Variants in ANKRD44 observed in about 807,000 individuals in gnomAD.
ANKRD44 encodes serine/threonine-protein phosphatase 6 regulatory ankyrin repeat subunit B.
A neutral mutation model predicts 116.0 loss-of-function variants in ANKRD44; 35 were observed. The observed-to-expected ratio is 0.30, with a 90% CI of 0.23 to 0.40. The LOEUF (loss-of-function observed/expected upper bound fraction) is 0.40, where lower values mean the gene tolerates loss of function less well. Ranked by LOEUF, ANKRD44 falls within the 10% of genes least tolerant of loss-of-function variation. ANKRD44 has a pLI of 1.00. For missense variants in ANKRD44, 1,014 were observed against 1,242.6 expected, an observed-to-expected ratio of 0.82 and a Z score of 2.77; for synonymous variants, 435 against 461.8, an observed-to-expected ratio of 0.94 and a Z score of 0.74.
chr2:197,154,369 C>CG (rs2079750950), intron 2 of ANKRD44, among the ~76,000 whole-genome samples: 1 of 151,396 alleles, frequency 6.6e-6, no homozygotes. Context: ...TTAGTAGAGA[C>CG]GGGGTTTCAC....
intron 16 of ANKRD44, among the ~76,000 whole-genome samples, chr2:197,058,919 C>T (rs1044141703): frequency 1.3e-5 from 2 of 152,210 alleles, no homozygotes; most frequent in Non-Finnish European, 2.9e-5. Context: ...TAAGCATATA[C>T]AGTTCTTGCA....
intron 1 of ANKRD44, among the ~76,000 whole-genome samples, chr2:197,267,877 T>G (rs1318141): frequency 0.76 from 115,033 of 152,042 alleles, 43,688 homozygotes; most frequent in East Asian, 0.86. Flanking sequence ...AGAATCAGGG[T>G]CAAGGTAGAA....
intron 1 of ANKRD44, among the ~76,000 whole-genome samples, chr2:197,289,464 A>T (rs1247028327): frequency 1.3e-5 from 2 of 152,254 alleles, no homozygotes; most frequent in Non-Finnish European, 2.9e-5. Flanking sequence ...AAATGTGGGT[A>T]CAACCCAAAT....
chr2:196,978,760 TTATGTCAATTA>T (rs1317049690), intron 21 of ANKRD44, among the ~76,000 whole-genome samples: 45 of 152,188 alleles, frequency 3.0e-4, no homozygotes, highest in Admixed American at 2.7e-3. Context: ...GAATTTTATG[TTATGTCAATTA>T]TATCTCAATG....
chr2:197,116,328 A>C (rs2078706818), intron 8 of ANKRD44, among the ~76,000 whole-genome samples: 2 of 152,198 alleles, frequency 1.3e-5, no homozygotes, highest in African/African-American at 4.8e-5. Flanking sequence ...GCCTTTATTA[A>C]ATTCCAATAA....
chr2:196,990,934 G>A (rs749798831), intron 27 of ANKRD44: 9 of 1,232,234 alleles, frequency 7.3e-6, no homozygotes, highest in Non-Finnish European at 7.1e-6. Flanking sequence ...TGACCTGGGC[G>A]TAAATGCAGA....
chr2:197,013,423 T>G lies in ANKRD44; in HGVS notation c.1924+88A>C, dbSNP rs1381720824. The stretch of plus-strand genomic sequence containing the variant: ...GAAAGAAAATTGATATTTAAAAAAC[T>G]GGGATGAAAGAAGATGCTGCTTTCC... On this transcript the variant is annotated intron_variant, in intron 18 of 27. Coordinates refer to ENST00000282272, the MANE Select transcript of ANKRD44 (RefSeq NM_001195144.2). 4 of 1,397,084 alleles carry G rather than the reference T, an allele frequency of 2.9e-6. No individual in the cohort carries two copies. In the Admixed American group the frequency reaches 6.2e-5, roughly 21 times the overall value. The allele number at this position is 1,397,084 out of a possible 1,614,324, so 86.5% of individuals were successfully genotyped here. A position where few individuals can be genotyped will look rare whatever the true frequency, so the allele number is the denominator to read the frequency against.
intron 1 of ANKRD44, among the ~76,000 whole-genome samples, chr2:197,287,652 C>T (rs1305297394): frequency 6.6e-6 from 1 of 152,168 alleles, no homozygotes; most frequent in Admixed American, 6.5e-5. Context: ...TGTAAAGTAA[C>T]TGCTGAGATA....
At chr2:197,066,945 C>T (rs566615084) in intron 16 of ANKRD44, among the ~76,000 whole-genome samples, 77 of 152,228 alleles carry the variant, frequency 5.1e-4, no homozygotes, top group African/African-American at 1.8e-3. Flanking sequence ...TTAAAGTTCA[C>T]ATGGAACCAA....
chr2:197,175,967 G>A (rs924971969), intron 2 of ANKRD44, among the ~76,000 whole-genome samples: 6 of 152,088 alleles, frequency 3.9e-5, no homozygotes, highest in Non-Finnish European at 7.4e-5. Context: ...ATGCAGTTCC[G>A]GACAATATAT....
intron 21 of ANKRD44, among the ~76,000 whole-genome samples, chr2:196,980,447 C>G (rs568104454): frequency 6.6e-6 from 1 of 152,180 alleles, no homozygotes; most frequent in African/African-American, 2.4e-5. Context: ...ATTAGAAACC[C>G]GTTAGCTTTC....
chr2:196,998,973 C>G lies in ANKRD44; in HGVS notation c.2599G>C (p.Ala867Pro), dbSNP rs145698398. Residue 867 changes from alanine (A) to proline (P), a missense_variant, in exon 24 of 28, where the codon GCA becomes CCA. Physicochemically the swap from Ala to Pro is conservative, Grantham distance 27. Coordinates refer to ENST00000282272, the MANE Select transcript of ANKRD44 (RefSeq NM_001195144.2). The stretch of plus-strand genomic sequence containing the variant: ...GCTGTTTTCCCTGAATTATCTACTG[C>G]GTTCACTGGAGCACTGTGTCTCAGA... ...LLLRHSAPVN[A>P]VDNSGKTALM... 14 of 1,614,226 alleles carry G rather than the reference C, an allele frequency of 8.7e-6. No homozygotes were observed. Among genetic ancestry groups the G allele is most frequent in the Non-Finnish European group, 1.2e-5 (14 of 1,180,028 alleles).
At chr2:197,041,092 T>TAACTCTTTTCATAAAACTCTTTTCATAA (rs2076902253) in intron 16 of ANKRD44, among the ~76,000 whole-genome samples, 1 of 152,208 alleles carries the variant, frequency 6.6e-6, no homozygotes, top group Non-Finnish European at 1.5e-5. Context: ...GTTCCACAAC[T>TAACTCTTTTCATAAAACTCTTTTCATAA]AACTCTTTTC....
At chr2:197,155,793 A>G (rs73991223) in intron 2 of ANKRD44, among the ~76,000 whole-genome samples, 7,838 of 152,310 alleles carry the variant, frequency 0.051, 677 homozygotes, top group African/African-American at 0.18. Context: ...AGCAAAACCC[A>G]TAAAAGGATA....
chr2:197,005,826 G>T lies in ANKRD44; in HGVS notation c.2215C>A (p.Pro739Thr). Residue 739 changes from proline to threonine, a missense_variant, in exon 21 of 28, where the codon CCC becomes ACC. Physicochemically the swap from Pro to Thr is conservative, Grantham distance 38. Coordinates refer to ENST00000282272, the MANE Select transcript of ANKRD44 (RefSeq NM_001195144.2). ...ILCKDSRGRT[P>T]LHYAAARGHA... ...CCACGAGCAGCTGCATAGTGCAAGG[G>T]CGTCCTCCCTCTGGAATCTTTACAG... The T allele has an allele frequency of 6.2e-7, 1 of 1,614,286 alleles. No individual in the cohort carries two copies. The highest frequency in any genetic ancestry group is 8.5e-7 in the Non-Finnish European group (1 of 1,180,054).
intron 1 of ANKRD44, among the ~76,000 whole-genome samples, chr2:197,237,524 A>G (rs2082003132): frequency 2.0e-5 from 3 of 152,224 alleles, no homozygotes; most frequent in Admixed American, 2.0e-4. Context: ...CATGCCATTA[A>G]CATTTTCACT....
At chr2:197,142,998 T>C (rs976625644) in intron 3 of ANKRD44, among the ~76,000 whole-genome samples, 3 of 151,004 alleles carry the variant, frequency 2.0e-5, no homozygotes, top group Admixed American at 6.6e-5. Context: ...AAAAAGTAAA[T>C]TAAATTAAAA....
chr2:197,264,425 C>T (rs911999863), intron 1 of ANKRD44, among the ~76,000 whole-genome samples: 11 of 152,188 alleles, frequency 7.2e-5, no homozygotes, highest in African/African-American at 1.2e-4. Flanking sequence ...CCATTCCTTA[C>T]GCAGAAAGCA....
At chr2:197,173,714 G>A (rs1164735031) in intron 2 of ANKRD44, among the ~76,000 whole-genome samples, 3 of 151,992 alleles carry the variant, frequency 2.0e-5, no homozygotes, top group Non-Finnish European at 2.9e-5. Context: ...ATTCAATGGT[G>A]CCAAGTAAAA....
Sources: gnomAD v4.1 joint callset for allele counts (sites outside exome capture counted in the v4.1 genomes callset) on GRCh38, gnomAD v4.1.1 for gene constraint, MANE v1.5 for transcripts, NCBI Gene and HGNC (gene_info 2026-07-23, HGNC 2026-07-21) for gene names.